WEE2: variants seen among roughly 807,000 people sequenced by gnomAD.
The protein encoded by WEE2 is wee1-like protein kinase 2.
WEE2 carries 50 observed loss-of-function variants against 60.1 expected under a neutral mutation model. The ratio of observed to expected loss-of-function variants is 0.83; its 90% CI spans 0.66 to 1.05. The LOEUF is 1.05. WEE2 is among the 50% of genes least tolerant of loss of function. The pLI is 0.00. For missense variants in WEE2, 631 were observed against 684.3 expected, an observed-to-expected ratio of 0.92 and a Z score of 0.87; for synonymous variants, 240 against 241.0, an observed-to-expected ratio of 1.00 and a Z score of 0.04.
intron 3 of WEE2, among the ~76,000 whole-genome samples, chr7:141,717,252 T>G (rs1434219039): frequency 1.3e-5 from 2 of 152,246 alleles, no homozygotes; most frequent in Admixed American, 6.5e-5. Context: ...CTTTAAATTT[T>G]TAAAGTTTTC....
intron 8 of WEE2, 57 bp downstream of exon 8, chr7:141,724,332 A>C: frequency 6.8e-7 from 1 of 1,465,808 alleles, no homozygotes; most frequent in South Asian, 1.2e-5. Flanking sequence ...TGACTCTCAA[A>C]TGGAGGATCT....
At position 141,711,408 on chromosome 7, in the gene WEE2, G is replaced by T. The variant is rs1401087482; in HGVS notation, c.342+2308G>T. Among the ~76,000 whole-genome samples the T allele has an allele frequency of 2.6e-5, 4 of 152,182 alleles. No individual in the cohort carries two copies. The highest frequency in any genetic ancestry group is 4.8e-5 in the African/African-American group (2 of 41,434). On this transcript the variant is annotated intron_variant, in intron 1 of 11. Transcript: ENST00000397541. The surrounding 1 kb of genome is among the most constrained non-coding windows in gnomAD (Gnocchi z 4.2). The stretch of plus-strand genomic sequence containing the variant: ...GCAACTGGGAAAGTACATACTTTAT[G>T]AAAACACAGTTTGCGTTAGAGGAAA...
intron 9 of WEE2, among the ~76,000 whole-genome samples, chr7:141,727,024 T>TA (rs1799029449): frequency 1.3e-5 from 2 of 152,218 alleles, no homozygotes; most frequent in Admixed American, 1.3e-4. Context: ...TCGAGAGTCT[T>TA]AGTTTTTTCT....
Position 141,723,229 on chromosome 7 carries a change from G to T in WEE2, c.976G>T (p.Gly326Cys). The part of the protein sequence containing the change: ...LKDILLQISL[G>C]LNYIHNSSMV... ...GGACATCCTTCTACAGATTTCCCTT[G>T]GCCTTAATTACATCCACAACTCTAG... is the stretch of plus-strand genomic sequence containing the variant. Residue 326 changes from glycine to cysteine, a missense_variant, in exon 6 of 12, where the codon GGC becomes TGC. Physicochemically the swap from Gly to Cys is radical, Grantham distance 159 (BLOSUM62 -3). Transcript: ENST00000397541. 2 of 1,614,080 alleles carry T rather than the reference G, an allele frequency of 1.2e-6. No individual in the cohort carries two copies. The highest frequency in any genetic ancestry group is 1.3e-5 in the African/African-American group (1 of 75,014).
intron 1 of WEE2, 106 bp downstream of exon 1, chr7:141,709,206 T>C: frequency 1.3e-6 from 1 of 794,428 alleles, no homozygotes. Context: ...ACCTCCAGGC[T>C]GTGTATATCC....
chr7:141,722,439 T>C (rs575358908), intron 5 of WEE2, among the ~76,000 whole-genome samples: 1 of 152,282 alleles, frequency 6.6e-6, no homozygotes, highest in South Asian at 2.1e-4. Flanking sequence ...AGCATTCTAA[T>C]ACCTTAGAAT....
intron 3 of WEE2, among the ~76,000 whole-genome samples, chr7:141,717,917 A>C (rs896510151): frequency 6.6e-6 from 1 of 152,118 alleles, no homozygotes; most frequent in Admixed American, 6.6e-5. Context: ...AGTTGGTAGA[A>C]GGTCTTGAGG....
intron 3 of WEE2, 143 bp downstream of exon 3, chr7:141,716,410 C>T: frequency 6.7e-6 from 5 of 749,628 alleles, no homozygotes; most frequent in Non-Finnish European, 1.1e-5. Context: ...CCCTCCCCTC[C>T]TCTCCTTCAC....
intron 1 of WEE2, among the ~76,000 whole-genome samples, chr7:141,710,865 A>G (rs142611590): frequency 6.2e-4 from 95 of 152,288 alleles, no homozygotes; most frequent in African/African-American, 2.2e-3. Flanking sequence ...GAGAGTGTTG[A>G]GAGAGCCATT....
In WEE2 at chr7:141,730,328, A is replaced by T; in HGVS notation, c.*8A>T. The T allele has an allele frequency of 6.2e-7, 1 of 1,613,192 alleles. No individual in the cohort carries two copies. Among genetic ancestry groups the T allele is most frequent in the Non-Finnish European group, 8.5e-7 (1 of 1,179,588 alleles). ...CGTGAGCCTCTGCATTAAAGGAAGA[A>T]AAGGAAAACAGCCCTTGGTTTGGCC... On this transcript the variant is annotated 3_prime_UTR_variant, in exon 12 of 12. Coordinates refer to ENST00000397541, the MANE Select transcript of WEE2 (RefSeq NM_001105558.1).
At position 141,712,126 on chromosome 7, in the gene WEE2, A is replaced by G. The variant is rs28546241; in HGVS notation, c.343-2083A>G. On this transcript the variant is annotated intron_variant, in intron 1 of 11. Transcript: ENST00000397541. Reference sequence around the variant, plus strand: ...GACTCATCATATTGACTGGGCCTTTAAAACATCCAAACATCCCAATAATAC... The same window carrying G: ...GACTCATCATATTGACTGGGCCTTTGAAACATCCAAACATCCCAATAATAC... 9.6e-3 allele frequency among the ~76,000 whole-genome samples: 1,460 copies of G among 152,220 alleles called. 27 individuals carry two copies. Among genetic ancestry groups the G allele is most frequent in the African/African-American group, 0.033 (1,381 of 41,524 alleles).
rs1798987189 is a variant in WEE2 at position 141,725,060 on chromosome 7, C to T, written c.1256C>T (p.Ala419Val). 6.2e-7 allele frequency: 1 copy of T among 1,614,094 alleles called. No homozygotes were observed. ...CACCTTCCCAAAGCAGACATATTTG[C>T]CTTGGGATTAACAATTGCAGTGGCT... ...YRHLPKADIF[A>V]LGLTIAVAAG... is the part of the protein sequence containing the mutation. The change falls in exon 9 of 12, where the codon GCC becomes GTC. Residue 419 changes from alanine to valine, a missense_variant. Ala to Val is a moderately conservative substitution (Grantham distance 64). Transcript: ENST00000397541.
intron 2 of WEE2, among the ~76,000 whole-genome samples, chr7:141,715,635 G>C (rs1479910258): frequency 2.0e-5 from 3 of 152,132 alleles, no homozygotes; most frequent in African/African-American, 7.2e-5. Context: ...CTCATCCCGG[G>C]TTAGAGCAGA....
Position 141,709,728 on chromosome 7 carries a change from T to A in WEE2, c.342+628T>A, listed in dbSNP as rs541403325. On this transcript the variant is annotated intron_variant, in intron 1 of 11. Transcript: ENST00000397541. ...AGTATATGTCAGCAAAGAGGAAACT[T>A]GTTGATACTTCTTCATAAGCTGAGG... Among the ~76,000 whole-genome samples, 3 of 152,318 alleles carry A rather than the reference T, an allele frequency of 2.0e-5. No homozygotes were observed. In the South Asian group the frequency reaches 6.2e-4, roughly 32 times the overall value.
Position 141,730,004 on chromosome 7 carries a change from A to T in WEE2, c.1679-291A>T, listed in dbSNP as rs796628716. ...CTCTGTATCTAAAAAAAAAAAAAAA[A>T]AAAAAACTCATTCTGCACCAGCCAA... On this transcript the variant is annotated intron_variant, in intron 11 of 11. Transcript: ENST00000397541. Among the ~76,000 whole-genome samples the T allele has an allele frequency of 1.6e-3, 239 of 151,822 alleles. 1 individual carries two copies. The highest frequency in any genetic ancestry group is 6.8e-3 in the Middle Eastern group (2 of 294).
chr7:141,719,949 T>C (rs545352315), intron 4 of WEE2, among the ~76,000 whole-genome samples: 1 of 152,252 alleles, frequency 6.6e-6, no homozygotes, highest in East Asian at 1.9e-4. Context: ...ATGAATTCAA[T>C]AGTAAAGTTT....
chr7:141,725,320 G>C, intron 9 of WEE2, 124 bp downstream of exon 9: 1 of 1,153,544 alleles, frequency 8.7e-7, no homozygotes, highest in Non-Finnish European at 1.2e-6. Context: ...AACGTGACTA[G>C]AAGTCCAGAA....
At chr7:141,716,137 T>C in intron 2 of WEE2, 85 bp from the exon 3 acceptor site, 1 of 1,177,844 alleles carries the variant, frequency 8.5e-7, no homozygotes, top group Non-Finnish European at 1.2e-6. Flanking sequence ...TTGTCTTATT[T>C]ACTCTTACAT....
chr7:141,729,014 G>A (rs1799075074), intron 10 of WEE2, among the ~76,000 whole-genome samples: 2 of 152,224 alleles, frequency 1.3e-5, no homozygotes, highest in Non-Finnish European at 2.9e-5. Flanking sequence ...CGCTGGTCTA[G>A]ACCAAGTGTT....
Sources: allele counts gnomAD v4.1 joint callset (sites outside exome capture counted in the v4.1 genomes callset), GRCh38; gene constraint gnomAD v4.1.1; non-coding constraint Gnocchi (gnomAD v3.1); transcripts MANE v1.5; gene names NCBI Gene and HGNC (gene_info 2026-07-23, HGNC 2026-07-21).